The following PLEKHA4 variants were observed in gnomAD, a reference collection of about 807,000 sequenced individuals.
The protein encoded by PLEKHA4 is pleckstrin homology domain-containing family A member 4.
In PLEKHA4, 73 loss-of-function variants were observed where a neutral mutation model predicts 94.7. The observed-to-expected ratio is 0.77, with a 90% CI of 0.64 to 0.94. PLEKHA4 has a LOEUF of 0.94. Among genes scored for constraint, PLEKHA4 ranks in the 40% least tolerant of loss-of-function variants. The pLI is 0.00. For synonymous variants in PLEKHA4, 449 were observed against 437.1 expected, an observed-to-expected ratio of 1.03 and a Z score of -0.34; for missense variants, 1,049 against 1,054.1, an observed-to-expected ratio of 1.00 and a Z score of 0.07.
rs1222257742 is a variant in PLEKHA4 at position 48,867,276 on chromosome 19, G to A, written c.84+261C>T. ...AGAACTCGAGGGGCCTCATGGCTGG[G>A]GAGCGGCTTTATCTTAGCAACCAGG... is the stretch of plus-strand genomic sequence containing the variant. On this transcript the variant is annotated intron_variant, in intron 2 of 19. Coordinates refer to ENST00000263265, the MANE Select transcript of PLEKHA4 (RefSeq NM_020904.3). This position sits in a 1 kb window ranked among gnomAD's most constrained non-coding sequence, Gnocchi z 4.7. 6.6e-6 allele frequency among the ~76,000 whole-genome samples: 1 copy of A among 152,146 alleles called. No homozygotes were observed. The highest frequency in any genetic ancestry group is 1.5e-5 in the Non-Finnish European group (1 of 68,032).
chr19:48,842,871 C>G (rs934469932), intron 16 of PLEKHA4, among the ~76,000 whole-genome samples: 1 of 152,180 alleles, frequency 6.6e-6, no homozygotes, highest in Non-Finnish European at 1.5e-5. Context: ...AAATAAAGCT[C>G]CTGTGTGCTA....
intron 3 of PLEKHA4, 82 bp from the exon 4 acceptor site, chr19:48,861,774 G>T: frequency 8.0e-7 from 1 of 1,246,164 alleles, no homozygotes; most frequent in Non-Finnish European, 1.2e-6. Flanking sequence ...GGGACAGAGA[G>T]CCAGAGAGAG....
At chr19:48,852,160 G>A in intron 13 of PLEKHA4, 68 bp downstream of exon 13, 1 of 1,255,858 alleles carries the variant, frequency 8.0e-7, no homozygotes, top group South Asian at 1.2e-5. Context: ...AAGATTAAAT[G>A]CTAAAAGGAT....
intron 7 of PLEKHA4, 95 bp downstream of exon 7, chr19:48,859,374 A>C: frequency 7.5e-7 from 1 of 1,337,694 alleles, no homozygotes; most frequent in Non-Finnish European, 1.0e-6. Flanking sequence ...CAAGTCACAC[A>C]CACTCAAGCA....
At chr19:48,842,029 C>T (rs2035786819) in intron 16 of PLEKHA4, among the ~76,000 whole-genome samples, 1 of 152,102 alleles carries the variant, frequency 6.6e-6, no homozygotes, top group Admixed American at 6.6e-5. Context: ...TGGATCTGTG[C>T]TTATTGTAGA....
At chr19:48,856,379 C>T (rs1207577851) in intron 9 of PLEKHA4, among the ~76,000 whole-genome samples, 2 of 130,308 alleles carry the variant, frequency 1.5e-5, no homozygotes, top group Admixed American at 7.7e-5. Flanking sequence ...GTCAGGAGAT[C>T]GAGACCATCC....
rs78104737 is a variant in PLEKHA4 at position 48,861,791 on chromosome 19, A to C, written c.193-99T>G. On this transcript the variant is annotated intron_variant, in intron 3 of 19. Coordinates refer to ENST00000263265, the MANE Select transcript of PLEKHA4 (RefSeq NM_020904.3). Reference sequence around the variant, plus strand: ...GACAGAGAGCCAGAGAGAGAAAGAAACTTGGAGAGAGGAGAACAGAGACAT... The same window carrying C: ...GACAGAGAGCCAGAGAGAGAAAGAACCTTGGAGAGAGGAGAACAGAGACAT... 0.02 allele frequency: 21,700 copies of C among 1,096,172 alleles called. 439 individuals are homozygous for C. The highest frequency in any genetic ancestry group is 0.07 in the South Asian group (5,213 of 74,692). The allele number at this position is 1,096,172 out of a possible 1,614,324, so 67.9% of individuals were successfully genotyped here.
At chr19:48,862,020 C>T (rs117328695) in intron 3 of PLEKHA4, among the ~76,000 whole-genome samples, 1 of 151,008 alleles carries the variant, frequency 6.6e-6, no homozygotes, top group African/African-American at 2.4e-5. Context: ...CCAGCTACTC[C>T]GGAGGCTGAG....
rs1053290685 is a variant in PLEKHA4 at position 48,859,396 on chromosome 19, G to A, written c.692+73C>T. On this transcript the variant is annotated intron_variant, in intron 7 of 19. Transcript: ENST00000263265. ...CACACACTCAAGCAGAAAGCGCTAA[G>A]GCCCGCCCCCAACCAGTTTCCGGCC... 16 of 1,526,204 alleles carry A rather than the reference G, an allele frequency of 1.0e-5. No homozygotes were observed. The African/African-American group carries it at 1.4e-4, about 13-fold the overall frequency. 94.5% of individuals were successfully genotyped at this position (1,526,204 alleles called of 1,614,324 possible). A position where few individuals can be genotyped will look rare whatever the true frequency, so the allele number is the denominator to read the frequency against.
chr19:48,857,930 A>G (rs1490943365), intron 8 of PLEKHA4, among the ~76,000 whole-genome samples: 1 of 151,258 alleles, frequency 6.6e-6, no homozygotes, highest in Non-Finnish European at 1.5e-5. Context: ...AATAATAATA[A>G]TTAAAAAAAA....
At position 48,847,950 on chromosome 19, in the gene PLEKHA4, G is replaced by A. The variant is rs761659544; in HGVS notation, c.1516C>T (p.Pro506Ser). 4.3e-6 allele frequency: 7 copies of A among 1,610,190 alleles called. No homozygotes were observed. The highest frequency in any genetic ancestry group is 4.5e-5 in the East Asian group (2 of 44,764). Residue 506 changes from proline (P) to serine (S), a missense_variant, in exon 14 of 20, where the codon CCT becomes TCT. Physicochemically the swap from Pro to Ser is moderately conservative, Grantham distance 74. Coordinates refer to ENST00000263265, the MANE Select transcript of PLEKHA4 (RefSeq NM_020904.3). ...TGGAGCACGGGAGATGGGGAGTCAG[G>A]CTCAGTGTGTGGGGGCGGTTTCTGG... ...GPQKPPPHTEPDSPSPVLQGE... is the reference protein window; with the variant it reads ...GPQKPPPHTESDSPSPVLQGE...
Position 48,857,416 on chromosome 19 carries a change from A to G in PLEKHA4, c.1047+6T>C. 6.7e-7 allele frequency: 1 copy of G among 1,486,694 alleles called. No homozygotes were observed. The highest frequency in any genetic ancestry group is 1.2e-5 in the South Asian group (1 of 80,078). The allele number at this position is 1,486,694 out of a possible 1,614,324, so 92.1% of individuals were successfully genotyped here. Reference sequence around the variant, plus strand: ...CGGTAGATTTAGGGTACTCCAGGATACCTACCAATAAAACCATGGAGGCCC... The same window carrying G: ...CGGTAGATTTAGGGTACTCCAGGATGCCTACCAATAAAACCATGGAGGCCC... On this transcript the variant is annotated splice_donor_region_variant and intron_variant, in intron 9 of 19. Transcript: ENST00000263265.
At chr19:48,865,740 C>T (rs1474511091) in intron 2 of PLEKHA4, 130 bp from the exon 3 acceptor site, 9 of 612,624 alleles carry the variant, frequency 1.5e-5, no homozygotes, top group Admixed American at 2.9e-5. Context: ...ACCAGCCGGG[C>T]GCAGTGGCTC....
intron 13 of PLEKHA4, among the ~76,000 whole-genome samples, chr19:48,850,466 T>G (rs1258129235): frequency 3.3e-5 from 5 of 151,920 alleles, no homozygotes; most frequent in South Asian, 2.1e-4. Context: ...ATTGTGCCAC[T>G]GCACTCCAGC....
At chr19:48,855,920 C>A (rs1165810226) in intron 9 of PLEKHA4, among the ~76,000 whole-genome samples, 1 of 151,884 alleles carries the variant, frequency 6.6e-6, no homozygotes, top group Non-Finnish European at 1.5e-5. Context: ...TGCCTGTAAT[C>A]CCAGCATTTT....
intron 18 of PLEKHA4, 61 bp downstream of exon 18, chr19:48,839,144 T>TC: frequency 8.5e-7 from 1 of 1,176,572 alleles, no homozygotes; most frequent in Non-Finnish European, 1.2e-6. Context: ...ATAATGCTAC[T>TC]CCCCTTTGCT....
In PLEKHA4 at chr19:48,858,857, C is replaced by T. The variant is rs1288509634; in HGVS notation, c.972+3G>A. On this transcript the variant is annotated splice_donor_region_variant and intron_variant, in intron 8 of 19. Coordinates refer to ENST00000263265, the MANE Select transcript of PLEKHA4 (RefSeq NM_020904.3). ...GTCCCCTCCTTCTCACCTCTCTGCT[C>T]ACCTGTGTTCTGGGCTCCTGACTCC... 2 of 1,613,358 alleles carry T rather than the reference C, an allele frequency of 1.2e-6. No homozygotes were observed. Among genetic ancestry groups the T allele is most frequent in the Non-Finnish European group, 1.7e-6 (2 of 1,179,778 alleles).
chr19:48,858,951 G>A lies in PLEKHA4; in HGVS notation c.881C>T (p.Pro294Leu), dbSNP rs201075692. Reference protein sequence around the residue: ...WGPQRQTLSRPPTPRRGPPSE... With the variant: ...WGPQRQTLSRLPTPRRGPPSE... ...GGGAGGTCCTCGGCGGGGAGTAGGG[G>A]GTCGGGAGAGGGTCTGGCGTTGGGG... The change falls in exon 8 of 20, where the codon CCC (proline) becomes CTC (leucine). Residue 294 changes from proline to leucine, a missense_variant. Transcript: ENST00000263265. 2 of 1,595,744 alleles carry A rather than the reference G, an allele frequency of 1.3e-6. No homozygotes were observed. Among genetic ancestry groups the A allele is most frequent in the African/African-American group, 2.7e-5 (2 of 73,420 alleles).
rs756567324 is a variant in PLEKHA4, at chr19:48,860,475, G to A, written c.367-16C>T. 2.4e-5 allele frequency: 39 copies of A among 1,603,206 alleles called. No individual in the cohort carries two copies. The South Asian group carries it at 3.6e-4, about 15-fold the overall frequency. On this transcript the variant is annotated splice_polypyrimidine_tract_variant and intron_variant, in intron 5 of 19. Coordinates refer to ENST00000263265, the MANE Select transcript of PLEKHA4 (RefSeq NM_020904.3). ...GGTGCTCTGCCTGCGGGAAGAGAAGGCTTGGAATCCGGACTCCCGGGCCTT... is the reference window on the plus strand; with the variant it reads ...GGTGCTCTGCCTGCGGGAAGAGAAGACTTGGAATCCGGACTCCCGGGCCTT...
Sources: allele counts gnomAD v4.1 joint callset (sites outside exome capture counted in the v4.1 genomes callset), GRCh38; gene constraint gnomAD v4.1.1; non-coding constraint Gnocchi (gnomAD v3.1); transcripts MANE v1.5; gene names NCBI Gene and HGNC (gene_info 2026-07-23, HGNC 2026-07-21).